SLC8A1: variants seen among roughly 807,000 people sequenced by gnomAD.
SLC8A1 encodes solute carrier family 8 member A1.
SLC8A1 carries 18 observed loss-of-function variants against 68.3 expected under a neutral mutation model. That is an observed-to-expected ratio of 0.26 (90% CI 0.18 to 0.39). The LOEUF is 0.39. SLC8A1 is among the 10% of genes least tolerant of loss of function. The pLI is 1.00. For synonymous variants in SLC8A1, 475 were observed against 415.5 expected, an observed-to-expected ratio of 1.14 and a Z score of -1.74; for missense variants, 985 against 1,156.7, an observed-to-expected ratio of 0.85 and a Z score of 2.15.
chr2:40,453,752 G>T (rs1055611584), upstream of SLC8A1, among the ~76,000 whole-genome samples: 3 of 152,172 alleles, frequency 2.0e-5, no homozygotes, highest in Non-Finnish European at 4.4e-5. Flanking sequence ...AATCACATGG[G>T]GATTGCAGAT....
chr2:40,453,157 A>G (rs1026381140), upstream of SLC8A1: 1 of 152,106 alleles, frequency 6.6e-6, no homozygotes, highest in African/African-American at 2.4e-5. Context: ...CGCATCACAC[A>G]CACCTGGGAA....
chr2:40,234,924 C>G (rs893875803), intron 2 of SLC8A1, among the ~76,000 whole-genome samples: 4 of 152,074 alleles, frequency 2.6e-5, no homozygotes, highest in African/African-American at 9.7e-5. Flanking sequence ...GTATATTGAA[C>G]CAGCCTTGCA....
At chr2:40,361,041 C>G (rs1195228747) in intron 2 of SLC8A1, among the ~76,000 whole-genome samples, 1 of 152,008 alleles carries the variant, frequency 6.6e-6, no homozygotes, top group Non-Finnish European at 1.5e-5. Context: ...TAGCAGGAAG[C>G]TATCATTTGT....
chr2:40,277,278 C>G (rs563708951), intron 2 of SLC8A1, among the ~76,000 whole-genome samples: 1 of 152,004 alleles, frequency 6.6e-6, no homozygotes, highest in East Asian at 1.9e-4. Flanking sequence ...CGGTAGCTCA[C>G]GCCTATAATC....
chr2:40,160,158 CCTCT>C (rs879394346), intron 6 of SLC8A1, among the ~76,000 whole-genome samples: 17 of 152,144 alleles, frequency 1.1e-4, no homozygotes, highest in African/African-American at 3.9e-4. Flanking sequence ...GAAGAGCACA[CCTCT>C]CTCTCTATTT....
chr2:40,357,668 T>C (rs1248730703), intron 2 of SLC8A1, among the ~76,000 whole-genome samples: 2 of 152,104 alleles, frequency 1.3e-5, no homozygotes, highest in Non-Finnish European at 2.9e-5. Flanking sequence ...TCTGCACATG[T>C]ATCCGAGAAC....
intron 2 of SLC8A1, among the ~76,000 whole-genome samples, chr2:40,397,268 A>G (rs1687282244): frequency 6.6e-6 from 1 of 152,166 alleles, no homozygotes. Context: ...TCATGAGCTA[A>G]TGTGCCCATT....
At chr2:40,247,563 G>T (rs2062053246) in intron 2 of SLC8A1, among the ~76,000 whole-genome samples, 1 of 152,098 alleles carries the variant, frequency 6.6e-6, no homozygotes. Flanking sequence ...GAGGAAAAAA[G>T]GCTCAGGGCA....
At chr2:40,343,910 A>G (rs1445912208) in intron 2 of SLC8A1, among the ~76,000 whole-genome samples, 1 of 152,204 alleles carries the variant, frequency 6.6e-6, no homozygotes, top group Non-Finnish European at 1.5e-5. Context: ...TTAAGTGACT[A>G]TAATGTACAA....
intron 2 of SLC8A1, among the ~76,000 whole-genome samples, chr2:40,205,631 A>G (rs888505459): frequency 3.9e-5 from 6 of 151,976 alleles, no homozygotes; most frequent in African/African-American, 1.4e-4. Flanking sequence ...GGAACAACAC[A>G]CACTGGGGCC....
At chr2:40,157,211 C>T (rs751972102) in intron 6 of SLC8A1, among the ~76,000 whole-genome samples, 8 of 152,134 alleles carry the variant, frequency 5.3e-5, no homozygotes, top group East Asian at 1.9e-4. Context: ...CCAACTTTGG[C>T]GTTTCCATGT....
exon 8 of SLC8A1, chr2:40,103,959 G>A (rs558036650): frequency 3.3e-5 from 5 of 152,242 alleles, no homozygotes; most frequent in South Asian, 2.1e-4. Context: ...CTGACCATAC[G>A]GGGCTTGATG....
At chr2:40,281,999 G>A (rs2149190389) in intron 2 of SLC8A1, among the ~76,000 whole-genome samples, 1 of 152,214 alleles carries the variant, frequency 6.6e-6, no homozygotes, top group East Asian at 1.9e-4. Flanking sequence ...GTATAACAGT[G>A]GATTAGCTAC....
intron 1 of SLC8A1, among the ~76,000 whole-genome samples, chr2:40,493,037 C>T (rs977827460): frequency 3.9e-5 from 6 of 152,136 alleles, no homozygotes; most frequent in Non-Finnish European, 7.3e-5. Context: ...TATAAAGACA[C>T]ATGAACACTC....
chr2:40,503,019 TG>T (rs142286330), intron 1 of SLC8A1, among the ~76,000 whole-genome samples: 2,695 of 152,102 alleles, frequency 0.018, 84 homozygotes, highest in African/African-American at 0.061. Context: ...AGGGGCCTTC[TG>T]AAGTACTGAG....
intron 1 of SLC8A1, among the ~76,000 whole-genome samples, chr2:40,461,477 A>G (rs1703336029): frequency 6.6e-6 from 1 of 152,164 alleles, no homozygotes; most frequent in Non-Finnish European, 1.5e-5. Context: ...TCTTCTTTCT[A>G]TGACATAGAA....
intron 2 of SLC8A1, among the ~76,000 whole-genome samples, chr2:40,339,008 G>A (rs959011571): frequency 6.6e-6 from 1 of 152,176 alleles, no homozygotes; most frequent in African/African-American, 2.4e-5. Flanking sequence ...CTCAGATGAT[G>A]GGCTGCTCTG....
chr2:40,468,748 G>T (rs567431163), intron 1 of SLC8A1, among the ~76,000 whole-genome samples: 1 of 152,090 alleles, frequency 6.6e-6, no homozygotes, highest in Non-Finnish European at 1.5e-5. Context: ...TTGCATCTAG[G>T]TCTCTTCTTC....
intron 2 of SLC8A1, among the ~76,000 whole-genome samples, chr2:40,238,607 AT>A (rs2060772383): frequency 6.6e-6 from 1 of 152,154 alleles, no homozygotes. Flanking sequence ...AGCTGTTCCT[AT>A]TCGGCCATCT....
Sources: allele counts gnomAD v4.1 joint callset (sites outside exome capture counted in the v4.1 genomes callset), GRCh38; gene constraint gnomAD v4.1.1; transcripts MANE v1.5; gene names NCBI Gene and HGNC (gene_info 2026-07-23, HGNC 2026-07-21).